POU2F3: variants seen among roughly 807,000 people sequenced by gnomAD.
POU2F3 encodes POU domain, class 2, transcription factor 3.
POU2F3 carries 23 observed loss-of-function variants against 59.2 expected under a neutral mutation model. That is an observed-to-expected ratio of 0.39 (90% CI 0.28 to 0.55). POU2F3 has a LOEUF of 0.55. POU2F3 is among the 20% of genes least tolerant of loss of function. The probability of loss-of-function intolerance (pLI) is 0.66; values close to 1 mark genes in which losing one functional copy is unlikely to be tolerated. For synonymous variants in POU2F3, 190 were observed against 214.6 expected, an observed-to-expected ratio of 0.89 and a Z score of 1.00; for missense variants, 473 against 544.5, an observed-to-expected ratio of 0.87 and a Z score of 1.31.
At chr11:120,298,525 A>G in intron 4 of POU2F3, 135 bp downstream of exon 4, 1 of 1,277,516 alleles carries the variant, frequency 7.8e-7, no homozygotes. Context: ...GGCTGTGAGT[A>G]GGGTTCTAAA....
At chr11:120,256,388 T>C (rs766567665) in intron 2 of POU2F3, 2 of 152,218 alleles carry the variant, frequency 1.3e-5, no homozygotes, top group Non-Finnish European at 2.9e-5. Context: ...TGCTATTTGC[T>C]ATTATTAGTA....
intron 7 of POU2F3, 81 bp downstream of exon 7, chr11:120,305,293 G>T: frequency 1.3e-6 from 2 of 1,494,292 alleles, no homozygotes; most frequent in South Asian, 2.6e-5. Context: ...TTTCAAGAGC[G>T]ACCAGAGGCT....
chr11:120,297,721 T>C (rs897144611), intron 3 of POU2F3, among the ~76,000 whole-genome samples: 2 of 152,140 alleles, frequency 1.3e-5, no homozygotes, highest in African/African-American at 4.8e-5. Flanking sequence ...AATTTTAACC[T>C]TCTTCCTCCT....
intron 7 of POU2F3, chr11:120,305,418 G>T: frequency 1.1e-6 from 1 of 888,642 alleles, no homozygotes; most frequent in East Asian, 2.6e-5. Flanking sequence ...AGGTGGAAAA[G>T]GGGCTGGCTC....
rs764210023 is a variant in POU2F3, at chr11:120,305,741, T to C, written c.725T>C (p.Met242Thr). 1.9e-6 allele frequency: 3 copies of C among 1,613,888 alleles called. No individual in the cohort carries two copies. Among genetic ancestry groups the C allele is most frequent in the Non-Finnish European group, 1.7e-6 (2 of 1,180,020 alleles). The change falls in exon 8 of 13, where the codon ATG (methionine) becomes ACG (threonine). Residue 242 changes from methionine (M) to threonine (T), a missense_variant. Coordinates refer to ENST00000543440, the MANE Select transcript of POU2F3 (RefSeq NM_014352.4). ...GCCCTCAACCTGAGCTTCAAGAACA[T>C]GTGCAAGCTCAAGCCCCTGCTGGAG... Reference protein sequence around the residue: ...FEALNLSFKNMCKLKPLLEKW... With the variant: ...FEALNLSFKNTCKLKPLLEKW...
At position 120,257,885 on chromosome 11, in the gene POU2F3, T is replaced by G. The variant is rs563827682; in HGVS notation, c.98-11325T>G. The stretch of plus-strand genomic sequence containing the variant: ...CATTTTGGTGGCCAGCACATGGACC[T>G]TGGAGCCAGAACTTGGAGCTCTGAG... On this transcript the variant is annotated intron_variant, in intron 2 of 12. Transcript: ENST00000543440. 3.3e-5 allele frequency among the ~76,000 whole-genome samples: 5 copies of G among 152,336 alleles called. No homozygotes were observed. In the East Asian group the frequency reaches 9.6e-4, roughly 29 times the overall value.
chr11:120,238,798 C>T (rs1163590744), upstream of POU2F3, among the ~76,000 whole-genome samples: 1 of 142,536 alleles, frequency 7.0e-6, no homozygotes, highest in Non-Finnish European at 1.5e-5. Flanking sequence ...CCACTGCACT[C>T]CAGCCTGGCA....
intron 12 of POU2F3, 114 bp downstream of exon 12, chr11:120,317,478 A>C: frequency 7.0e-7 from 1 of 1,437,304 alleles, no homozygotes; most frequent in Non-Finnish European, 9.6e-7. Context: ...GAAAAGAGGA[A>C]TGGGGTGGCA....
chr11:120,288,196 G>A (rs1482640703), intron 3 of POU2F3, among the ~76,000 whole-genome samples: 1 of 145,548 alleles, frequency 6.9e-6, no homozygotes, highest in Non-Finnish European at 1.5e-5. Flanking sequence ...AGCCAACAGA[G>A]GTCAAACACA....
At chr11:120,309,660 C>A in intron 10 of POU2F3, 74 bp downstream of exon 10, 1 of 1,526,256 alleles carries the variant, frequency 6.6e-7, no homozygotes, top group South Asian at 1.2e-5. Context: ...GTGGTGGCTG[C>A]AGGGAAGAGG....
At chr11:120,245,225 G>T (rs1010541247) in intron 1 of POU2F3, among the ~76,000 whole-genome samples, 2 of 152,040 alleles carry the variant, frequency 1.3e-5, no homozygotes, top group African/African-American at 4.8e-5. Context: ...TGTACACCTC[G>T]GCCGGAGCCA....
chr11:120,258,421 G>T (rs1378207413), intron 2 of POU2F3, among the ~76,000 whole-genome samples: 2 of 152,166 alleles, frequency 1.3e-5, no homozygotes, highest in Non-Finnish European at 2.9e-5. Context: ...TTGTCCCTGA[G>T]TTGCCATTTG....
chr11:120,257,616 G>A lies in POU2F3; in HGVS notation c.97+11099G>A, dbSNP rs562281634. Among the ~76,000 whole-genome samples the A allele has an allele frequency of 5.9e-4, 89 of 152,088 alleles. 1 individual carries two copies. The highest frequency in any genetic ancestry group is 1.2e-3 in the Non-Finnish European group (80 of 68,020). ...CTGGGGACACCACTCCAGAGAGGAG[G>A]GGAGAGTGTGACCCTGGCAGCGTCA... On this transcript the variant is annotated intron_variant, in intron 2 of 12. Transcript: ENST00000543440.
intron 3 of POU2F3, among the ~76,000 whole-genome samples, chr11:120,296,466 T>A (rs1018049468): frequency 1.1e-4 from 16 of 152,232 alleles, no homozygotes; most frequent in Admixed American, 2.6e-4. Context: ...TAAACTTGTA[T>A]CATGGGAGTT....
chr11:120,301,510 C>T (rs2135286166), intron 5 of POU2F3: 1 of 155,166 alleles, frequency 6.4e-6, no homozygotes, highest in East Asian at 1.9e-4. Flanking sequence ...CTAGGGAAAA[C>T]AGAGACCCCA....
chr11:120,309,328 T>C, intron 9 of POU2F3, 97 bp from the exon 10 acceptor site: 1 of 1,281,206 alleles, frequency 7.8e-7, no homozygotes, highest in Admixed American at 2.1e-5. Context: ...CTAAAGCTTT[T>C]GATCCATGTA....
chr11:120,258,678 T>A (rs1220076190), intron 2 of POU2F3, among the ~76,000 whole-genome samples: 6 of 152,182 alleles, frequency 3.9e-5, no homozygotes, highest in Non-Finnish European at 5.9e-5. Context: ...GGATTATGAG[T>A]CAAGGTTTTG....
intron 3 of POU2F3, among the ~76,000 whole-genome samples, chr11:120,277,611 AC>A (rs1940386161): frequency 6.6e-6 from 1 of 151,872 alleles, no homozygotes; most frequent in African/African-American, 2.4e-5. Flanking sequence ...CCCCATCTCT[AC>A]TAAAATTGCA....
intron 2 of POU2F3, among the ~76,000 whole-genome samples, chr11:120,260,732 G>A (rs1386788694): frequency 1.3e-5 from 2 of 152,120 alleles, no homozygotes; most frequent in Non-Finnish European, 1.5e-5. Flanking sequence ...GCGTTGGGGG[G>A]TTAAGTTGGG....
Sources: gnomAD v4.1 joint callset for allele counts (sites outside exome capture counted in the v4.1 genomes callset) on GRCh38, gnomAD v4.1.1 for gene constraint, MANE v1.5 for transcripts, NCBI Gene and HGNC (gene_info 2026-07-23, HGNC 2026-07-21) for gene names.